Variants in PLOD2 observed in about 807,000 individuals in gnomAD.
PLOD2 encodes procollagen-lysine,2-oxoglutarate 5-dioxygenase 2.
Under a neutral mutation model 101.0 loss-of-function variants are expected in PLOD2, and 65 were observed. That is an observed-to-expected ratio of 0.64 (90% confidence interval 0.53 to 0.79). PLOD2 has a LOEUF of 0.79. PLOD2 is among the 30% of genes least tolerant of loss of function. PLOD2 has a pLI of 0.00. For synonymous variants in PLOD2, 314 were observed against 302.9 expected, an observed-to-expected ratio of 1.04 and a Z score of -0.38; for missense variants, 909 against 914.6, an observed-to-expected ratio of 0.99 and a Z score of 0.08.
chr3:146,081,747 C>T lies in PLOD2; in HGVS notation c.1349G>A (p.Gly450Glu). ...AAACCAAGTAACTTACACTCTATTC[C>T]CTTGAACAATATCCACATAATCTTC... is the stretch of plus-strand genomic sequence containing the variant. ...RSEDYVDIVQ[G>E]NRVGVWNVPY... is the part of the protein sequence containing the mutation. The change falls in exon 12 of 20, where the codon GGG becomes GAG. Residue 450 changes from glycine (G) to glutamate (E), a missense_variant. By Grantham distance (98) the Gly-to-Glu change is moderately conservative (BLOSUM62 -2). Transcript: ENST00000282903. The T allele has an allele frequency of 1.9e-6, 3 of 1,607,116 alleles. No homozygotes were observed. The highest frequency in any genetic ancestry group is 2.6e-6 in the Non-Finnish European group (3 of 1,173,976).
chr3:146,112,580 C>T (rs983553672), intron 3 of PLOD2, among the ~76,000 whole-genome samples: 1 of 151,976 alleles, frequency 6.6e-6, no homozygotes, highest in African/African-American at 2.4e-5. Flanking sequence ...AGGCCGGGCA[C>T]AGTGGCTCAT....
chr3:146,117,049 G>A (rs1002516441), intron 3 of PLOD2, among the ~76,000 whole-genome samples: 1 of 152,098 alleles, frequency 6.6e-6, no homozygotes, highest in Non-Finnish European at 1.5e-5. Context: ...ATTGCATAAT[G>A]GGGATGACTG....
intron 3 of PLOD2, among the ~76,000 whole-genome samples, chr3:146,114,900 G>A (rs1023244010): frequency 6.6e-6 from 1 of 152,138 alleles, no homozygotes; most frequent in Non-Finnish European, 1.5e-5. Context: ...CTCTGAGAGG[G>A]ATGTCTTCAT....
At position 146,124,229 on chromosome 3, in the gene PLOD2, T is replaced by C. The variant is rs762959475; in HGVS notation, c.110A>G (p.Asp37Gly). ...TGCTACAGTTATGACTAATAATTTA[T>C]CTGCAAAGACAAAAGGAAACAAAAG... ...DSEKPSSIPT[D>G]KLLVITVATK... Residue 37 changes from aspartate (D) to glycine (G), a missense_variant and splice_region_variant, in exon 2 of 20, where the codon GAT becomes GGT. Transcript: ENST00000282903. 7.2e-6 allele frequency: 11 copies of C among 1,535,392 alleles called. No individual in the cohort carries two copies. The highest frequency in any genetic ancestry group is 4.1e-5 in the African/African-American group (3 of 73,396).
At chr3:146,152,480 A>T (rs1307868232) in intron 1 of PLOD2, among the ~76,000 whole-genome samples, 1 of 152,172 alleles carries the variant, frequency 6.6e-6, no homozygotes, top group Non-Finnish European at 1.5e-5. Flanking sequence ...AGTTATGCTA[A>T]TATGTAATGT....
Position 146,086,984 on chromosome 3 carries a change from T to G in PLOD2, c.1006-76A>C, listed in dbSNP as rs143907086. The stretch of plus-strand genomic sequence containing the variant: ...CTGAAGTATTCATATTAGAGAGTGC[T>G]TCACATTCAAGGTCATGAATTCTAC... On this transcript the variant is annotated intron_variant, in intron 9 of 19. Coordinates refer to ENST00000282903, the MANE Select transcript of PLOD2 (RefSeq NM_182943.3). 8.3e-3 allele frequency: 6,798 copies of G among 822,308 alleles called. 38 individuals are homozygous for G. The highest frequency in any genetic ancestry group is 0.011 in the Non-Finnish European group (5,557 of 527,290). 50.9% of individuals were successfully genotyped at this position (822,308 alleles called of 1,614,324 possible). A position where few individuals can be genotyped will look rare whatever the true frequency, so the allele number is the denominator to read the frequency against.
chr3:146,157,949 A>T (rs1418237041), intron 1 of PLOD2, among the ~76,000 whole-genome samples: 2 of 152,212 alleles, frequency 1.3e-5, no homozygotes, highest in African/African-American at 4.8e-5. Flanking sequence ...ACAGTAAATT[A>T]GAGAGTTTAT....
chr3:146,094,208 T>C (rs764233020), intron 7 of PLOD2, among the ~76,000 whole-genome samples: 1 of 152,222 alleles, frequency 6.6e-6, no homozygotes, highest in African/African-American at 2.4e-5. Context: ...AGAGAAACTT[T>C]TCCGCCCAAA....
At chr3:146,160,052 A>G (rs919098068) in intron 1 of PLOD2, among the ~76,000 whole-genome samples, 2 of 152,216 alleles carry the variant, frequency 1.3e-5, no homozygotes, top group Non-Finnish European at 1.5e-5. Context: ...AACAAAACAA[A>G]AAGGACATTA....
intron 9 of PLOD2, among the ~76,000 whole-genome samples, chr3:146,087,739 A>G (rs1936830869): frequency 6.6e-6 from 1 of 151,904 alleles, no homozygotes. Flanking sequence ...AAGCAGGGAA[A>G]ATATAAACAA....
chr3:146,070,939 C>T (rs1349957496), intron 19 of PLOD2, 67 bp from the exon 20 acceptor site: 3 of 1,511,036 alleles, frequency 2.0e-6, no homozygotes, highest in Non-Finnish European at 2.7e-6. Flanking sequence ...CAAATTATGT[C>T]ATTTGAGCAA....
rs1354902590 is a variant in PLOD2 at position 146,083,598 on chromosome 3, T to C, written c.1232+1571A>G. On this transcript the variant is annotated intron_variant, in intron 11 of 19. Coordinates refer to ENST00000282903, the MANE Select transcript of PLOD2 (RefSeq NM_182943.3). ...TTTTCTTTTTTTTTTTTTTTTTTTT[T>C]TGAGACGGAGTCTCGCTGTGTCGCC... Among the ~76,000 whole-genome samples, 41 of 130,774 alleles carry C rather than the reference T, an allele frequency of 3.1e-4. 1 individual carries two copies. Among genetic ancestry groups the C allele is most frequent in the Middle Eastern group, 4.3e-3 (1 of 232 alleles). 85.8% of individuals were successfully genotyped at this position (130,774 alleles called of 152,430 possible). A position where few individuals can be genotyped will look rare whatever the true frequency, so the allele number is the denominator to read the frequency against.
Position 146,073,237 on chromosome 3 carries a change from C to G in PLOD2, c.1743+50G>C, listed in dbSNP as rs758731468. ...GAAAGTAGTATTAATAATATTTCTT[C>G]TGGAAAATAACAGCAAAATTTTCTA... On this transcript the variant is annotated intron_variant, in intron 16 of 19. Coordinates refer to ENST00000282903, the MANE Select transcript of PLOD2 (RefSeq NM_182943.3). 11 of 719,672 alleles carry G rather than the reference C, an allele frequency of 1.5e-5. No individual in the cohort carries two copies. In the Admixed American group the frequency reaches 2.7e-4, roughly 17 times the overall value. 44.6% of individuals were successfully genotyped at this position (719,672 alleles called of 1,614,324 possible).
chr3:146,135,144 A>C (rs1271467458), intron 1 of PLOD2, among the ~76,000 whole-genome samples: 1 of 152,174 alleles, frequency 6.6e-6, no homozygotes, highest in Non-Finnish European at 1.5e-5. Context: ...CCTTGCATAA[A>C]ATGAATACAT....
At chr3:146,142,653 CA>C (rs1315677554) in intron 1 of PLOD2, among the ~76,000 whole-genome samples, 1 of 152,068 alleles carries the variant, frequency 6.6e-6, no homozygotes, top group Admixed American at 6.6e-5. Flanking sequence ...TCCAGGCACA[CA>C]AATCTCCAGT....
At chr3:146,093,093 G>A (rs908793218) in intron 7 of PLOD2, among the ~76,000 whole-genome samples, 1 of 152,152 alleles carries the variant, frequency 6.6e-6, no homozygotes, top group South Asian at 2.1e-4. Flanking sequence ...GCTTCTTAAA[G>A]TCCTAAAGGG....
intron 5 of PLOD2, 149 bp from the exon 6 acceptor site, chr3:146,104,491 GTATT>G: frequency 1.7e-6 from 1 of 604,856 alleles, no homozygotes; most frequent in Admixed American, 3.0e-5. Context: ...GATGACTAAA[GTATT>G]TAGCTAAAAG....
At chr3:146,149,761 G>A (rs1336700627) in intron 1 of PLOD2, among the ~76,000 whole-genome samples, 1 of 151,958 alleles carries the variant, frequency 6.6e-6, no homozygotes, top group Non-Finnish European at 1.5e-5. Context: ...CCAACACCCA[G>A]GCTAAATACT....
chr3:146,121,126 G>A lies in PLOD2; in HGVS notation c.324C>T (p.Val108=). ...EHYADQDDLV[V]MFTECFDVIF... is the part of the protein sequence containing the mutation. ...GTTTCTCCTACCATTCAGTAAACAT[G>A]ACAACCAGATCATCTTGATCAGCAT... is the stretch of plus-strand genomic sequence containing the variant. Residue 108 remains valine (V), a synonymous_variant, in exon 3 of 20, where the codon GTC becomes GTT. Transcript: ENST00000282903. 23 of 1,605,616 alleles carry A rather than the reference G, an allele frequency of 1.4e-5. No individual in the cohort carries two copies. Among genetic ancestry groups the A allele is most frequent in the Non-Finnish European group, 2.0e-5 (23 of 1,172,558 alleles).
Sources: allele counts gnomAD v4.1 joint callset (sites outside exome capture counted in the v4.1 genomes callset), GRCh38; gene constraint gnomAD v4.1.1; transcripts MANE v1.5; gene names NCBI Gene and HGNC (gene_info 2026-07-23, HGNC 2026-07-21).